The following KCNAB1 variants were observed in gnomAD, a reference collection of about 807,000 sequenced individuals.
KCNAB1 encodes the protein potassium voltage-gated channel subfamily A regulatory beta subunit 1, also known as voltage-gated potassium channel subunit beta-1.
A neutral mutation model predicts 64.6 loss-of-function variants in KCNAB1; 35 were observed. The observed-to-expected ratio is 0.54, with a 90% CI of 0.41 to 0.72. The LOEUF (loss-of-function observed/expected upper bound fraction) is 0.72, where lower values mean the gene tolerates loss of function less well. Among genes scored for constraint, KCNAB1 ranks in the 30% least tolerant of loss-of-function variants. The pLI is 0.00. For synonymous variants in KCNAB1, 177 were observed against 183.8 expected, an observed-to-expected ratio of 0.96 and a Z score of 0.30; for missense variants, 401 against 512.9, an observed-to-expected ratio of 0.78 and a Z score of 2.11.
At chr3:156,438,009 A>G (rs1190120628) in intron 2 of KCNAB1, among the ~76,000 whole-genome samples, 1 of 152,190 alleles carries the variant, frequency 6.6e-6, no homozygotes, top group East Asian at 1.9e-4. Context: ...GGGAGCTTTT[A>G]AAACATACCT....
intron 1 of KCNAB1, among the ~76,000 whole-genome samples, chr3:156,336,498 C>G (rs546998817): frequency 5.3e-5 from 8 of 152,286 alleles, no homozygotes; most frequent in African/African-American, 1.7e-4. Context: ...CTAAACAGCA[C>G]CCTGAAGAGA....
chr3:156,273,709 T>C (rs1399349513), intron 1 of KCNAB1: 1 of 452,540 alleles, frequency 2.2e-6, no homozygotes, highest in Non-Finnish European at 4.4e-6. Context: ...GTTTGGTTCT[T>C]AGGAAGGTGC....
At chr3:156,166,917 C>A (rs1005766001) in intron 1 of KCNAB1, among the ~76,000 whole-genome samples, 1 of 152,084 alleles carries the variant, frequency 6.6e-6, no homozygotes. Context: ...ATGTTTATGG[C>A]GGTTTAGTGT....
intron 1 of KCNAB1, among the ~76,000 whole-genome samples, chr3:156,170,181 T>C (rs1711871137): frequency 6.6e-6 from 1 of 151,666 alleles, no homozygotes; most frequent in African/African-American, 2.4e-5. Flanking sequence ...CTATGGGGCC[T>C]GTGGGGCCAA....
chr3:156,392,261 G>A (rs1316626501), intron 1 of KCNAB1, among the ~76,000 whole-genome samples: 3 of 152,080 alleles, frequency 2.0e-5, no homozygotes, highest in Non-Finnish European at 2.9e-5. Flanking sequence ...TATCCTCAGG[G>A]GTTACAGCAG....
intron 8 of KCNAB1, among the ~76,000 whole-genome samples, chr3:156,479,688 A>G (rs1714647012): frequency 6.6e-6 from 1 of 152,178 alleles, no homozygotes; most frequent in African/African-American, 2.4e-5. Flanking sequence ...TTTCATATAG[A>G]GCTTGTTGCC....
Position 156,508,481 on chromosome 3 carries a change from T to C in KCNAB1, c.659-5883T>C, listed in dbSNP as rs1716962736. Among the ~76,000 whole-genome samples, 2 of 152,246 alleles carry C rather than the reference T, an allele frequency of 1.3e-5. No homozygotes were observed. Among genetic ancestry groups the C allele is most frequent in the African/African-American group, 4.8e-5 (2 of 41,454 alleles). ...AAATTAAAATATTGATCAACCAAAATTGTTTTCACTCAGAACAAATAGTTG... is the reference window on the plus strand; with the variant it reads ...AAATTAAAATATTGATCAACCAAAACTGTTTTCACTCAGAACAAATAGTTG... On this transcript the variant is annotated intron_variant, in intron 8 of 13. Coordinates refer to ENST00000490337, the MANE Select transcript of KCNAB1 (RefSeq NM_172160.3). The surrounding 1 kb of genome is among the most constrained non-coding windows in gnomAD (Gnocchi z 4.1).
chr3:156,135,305 CTTTTTTTTCCCCCA>C (rs1714276224), intron 1 of KCNAB1, among the ~76,000 whole-genome samples: 1 of 151,806 alleles, frequency 6.6e-6, no homozygotes, highest in African/African-American at 2.4e-5. Flanking sequence ...CCTGGTTTAG[CTTTTTTTTCCCCCA>C]TTTTTTTTCC....
At chr3:156,344,624 T>C (rs1373051980) in intron 1 of KCNAB1, among the ~76,000 whole-genome samples, 3 of 152,236 alleles carry the variant, frequency 2.0e-5, no homozygotes, top group Non-Finnish European at 4.4e-5. Context: ...AATAAGTTCC[T>C]AAACCCAAAG....
At chr3:156,331,038 A>G (rs946686338) in intron 1 of KCNAB1, among the ~76,000 whole-genome samples, 3 of 152,200 alleles carry the variant, frequency 2.0e-5, no homozygotes, top group African/African-American at 7.2e-5. Context: ...ACCTTAGCCC[A>G]GGAAGAGGTT....
At chr3:156,186,359 C>T (rs1363064271) in intron 1 of KCNAB1, among the ~76,000 whole-genome samples, 1 of 152,098 alleles carries the variant, frequency 6.6e-6, no homozygotes, top group Non-Finnish European at 1.5e-5. Flanking sequence ...TGTTTCTGTC[C>T]TATTCCTTTC....
chr3:156,163,419 G>A (rs915018065), intron 1 of KCNAB1, among the ~76,000 whole-genome samples: 1 of 152,106 alleles, frequency 6.6e-6, no homozygotes, highest in Non-Finnish European at 1.5e-5. Flanking sequence ...CCAGATAGTG[G>A]GACCTCTGGT....
chr3:156,291,462 C>G (rs1227735726), intron 1 of KCNAB1: 1 of 1,029,140 alleles, frequency 9.7e-7, no homozygotes, highest in East Asian at 8.7e-5. Flanking sequence ...TAAGCCTGCG[C>G]TGATTTGAGC....
chr3:156,473,379 A>G (rs948791532), intron 7 of KCNAB1, among the ~76,000 whole-genome samples: 5 of 152,258 alleles, frequency 3.3e-5, no homozygotes, highest in African/African-American at 1.2e-4. Context: ...TTGTTTACTT[A>G]GTATTCCTGT....
At position 156,537,375 on chromosome 3, in the gene KCNAB1, A is replaced by G. The variant is rs1250799350; in HGVS notation, c.*628A>G. 2.6e-5 allele frequency: 6 copies of G among 231,676 alleles called. No homozygotes were observed. The highest frequency in any genetic ancestry group is 4.1e-5 in the Non-Finnish European group (5 of 121,456). 14.4% of individuals were successfully genotyped at this position (231,676 alleles called of 1,614,324 possible). On this transcript the variant is annotated 3_prime_UTR_variant, in exon 14 of 14. Coordinates refer to ENST00000490337, the MANE Select transcript of KCNAB1 (RefSeq NM_172160.3). Reference sequence around the variant, plus strand: ...CCATTTGTTATTCAATAAAACAAAAATTTCTAGGTATTTGCTTTATTACCT... The same window carrying G: ...CCATTTGTTATTCAATAAAACAAAAGTTTCTAGGTATTTGCTTTATTACCT...
At chr3:156,485,719 G>T (rs1353647836) in intron 8 of KCNAB1, among the ~76,000 whole-genome samples, 1 of 151,960 alleles carries the variant, frequency 6.6e-6, no homozygotes, top group Non-Finnish European at 1.5e-5. Context: ...ACCCAATAGG[G>T]AGTTTCTTAA....
chr3:156,198,616 CTTT>C (rs59410120), intron 1 of KCNAB1, among the ~76,000 whole-genome samples: 61,053 of 118,134 alleles, frequency 0.52, 13,172 homozygotes, highest in East Asian at 0.76. Flanking sequence ...GCAAACCCTG[CTTT>C]TTTTTTTTTT....
rs894645517 is a variant in KCNAB1, at chr3:156,217,690, G to A, written c.275+96804G>A. Among the ~76,000 whole-genome samples the A allele has an allele frequency of 3.9e-5, 6 of 152,236 alleles. No homozygotes were observed. In the South Asian group the frequency reaches 6.2e-4, roughly 16 times the overall value. On this transcript the variant is annotated intron_variant, in intron 1 of 13. Coordinates refer to ENST00000490337, the MANE Select transcript of KCNAB1 (RefSeq NM_172160.3). ...GGCATTTATTATTGATATAGAAAGA[G>A]TGCTCATTATTTAACATGCCTGTGC...
At chr3:156,334,579 G>A (rs752793096) in intron 1 of KCNAB1, among the ~76,000 whole-genome samples, 2 of 152,202 alleles carry the variant, frequency 1.3e-5, no homozygotes, top group African/African-American at 4.8e-5. Context: ...TGATTGTTAT[G>A]AGTTAAATGA....
Sources: allele counts gnomAD v4.1 joint callset (sites outside exome capture counted in the v4.1 genomes callset), GRCh38; gene constraint gnomAD v4.1.1; non-coding constraint Gnocchi (gnomAD v3.1); transcripts MANE v1.5; gene names NCBI Gene and HGNC (gene_info 2026-07-23, HGNC 2026-07-21).